CTNNA3: variants seen among roughly 807,000 people sequenced by gnomAD.
The protein encoded by CTNNA3 is catenin alpha 3, also known as catenin alpha-3.
CTNNA3 carries 76 observed loss-of-function variants against 95.7 expected under a neutral mutation model. The ratio of observed to expected loss-of-function variants is 0.79; its 90% CI spans 0.66 to 0.96. The LOEUF (loss-of-function observed/expected upper bound fraction) is 0.96. Ranked by LOEUF, CTNNA3 falls within the 40% of genes least tolerant of loss-of-function variation. CTNNA3 has a pLI of 0.00. For missense variants in CTNNA3, 1,191 were observed against 1,089.8 expected (o/e 1.09, Z -1.31); for synonymous variants, 431 against 374.4 (o/e 1.15, Z -1.74).
At chr10:66,793,915 G>A (rs1841083919) in intron 7 of CTNNA3, among the ~76,000 whole-genome samples, 1 of 151,980 alleles carries the variant, frequency 6.6e-6, no homozygotes, top group South Asian at 2.1e-4. Context: ...ATATCAGCTT[G>A]GTTTTCTCAT....
Position 66,573,634 on chromosome 10 carries a change from G to T in CTNNA3, c.1374+48058C>A, listed in dbSNP as rs12252670. ...GCCTTCCCAGAATCCACAATTTTCAGCAAGATGAATATGAGCAGAAATAAA... is the reference window on the plus strand; with the variant it reads ...GCCTTCCCAGAATCCACAATTTTCATCAAGATGAATATGAGCAGAAATAAA... On this transcript the variant is annotated intron_variant, in intron 10 of 17. Transcript: ENST00000433211. Among the ~76,000 whole-genome samples the T allele has an allele frequency of 2.2e-3, 330 of 152,114 alleles. 1 individual carries two copies. Among genetic ancestry groups the T allele is most frequent in the African/African-American group, 7.6e-3 (316 of 41,492 alleles).
At chr10:66,798,371 A>T (rs1841295430) in intron 7 of CTNNA3, among the ~76,000 whole-genome samples, 2 of 142,398 alleles carry the variant, frequency 1.4e-5, no homozygotes, top group South Asian at 4.6e-4. Context: ...GGATAGCTTA[A>T]AAAAAGTTAA....
intron 11 of CTNNA3, among the ~76,000 whole-genome samples, chr10:66,478,598 A>G (rs1045370695): frequency 2.0e-5 from 3 of 151,954 alleles, no homozygotes; most frequent in Non-Finnish European, 4.4e-5. Flanking sequence ...AAATTTGGAA[A>G]ATAATCATGC....
At position 67,728,367 on chromosome 10, in the gene CTNNA3, C is replaced by T. The variant is rs149830475; in HGVS notation, c.-2+35067G>A. 9.6e-3 allele frequency among the ~76,000 whole-genome samples: 1,430 copies of T among 148,934 alleles called. 28 individuals are homozygous for T. Among genetic ancestry groups the T allele is most frequent in the African/African-American group, 0.033 (1,353 of 40,936 alleles). On this transcript the variant is annotated intron_variant, in intron 1 of 17. Coordinates refer to the CTNNA3 transcript ENST00000684154. ...ACTTGTGAGGCTGCGGCAGGAGAAT[C>T]GCTTGAACCTGGGAGGTGGAGGTTA... is the stretch of plus-strand genomic sequence containing the variant.
chr10:66,214,080 C>T (rs142063567), intron 13 of CTNNA3, among the ~76,000 whole-genome samples: 3 of 152,176 alleles, frequency 2.0e-5, no homozygotes, highest in South Asian at 2.1e-4. Flanking sequence ...TGAGCAAAAA[C>T]GATAAGAAAA....
chr10:67,503,438 C>T (rs1206923685), intron 5 of CTNNA3, among the ~76,000 whole-genome samples: 2 of 152,164 alleles, frequency 1.3e-5, no homozygotes, highest in African/African-American at 4.8e-5. Context: ...ATATGTCTAT[C>T]TTAACTATTT....
intron 4 of CTNNA3, among the ~76,000 whole-genome samples, chr10:67,538,376 C>T (rs1179030119): frequency 1.3e-5 from 2 of 151,676 alleles, no homozygotes; most frequent in African/African-American, 2.4e-5. Flanking sequence ...GAGTTCAAGA[C>T]CAGCCTGGCC....
chr10:67,094,155 G>T (rs1327303236), intron 7 of CTNNA3, among the ~76,000 whole-genome samples: 1 of 151,890 alleles, frequency 6.6e-6, no homozygotes, highest in Non-Finnish European at 1.5e-5. Flanking sequence ...GACTTGCTCT[G>T]ACAAAGAATA....
intron 11 of CTNNA3, among the ~76,000 whole-genome samples, chr10:66,451,329 A>C (rs2093463472): frequency 6.6e-6 from 1 of 152,192 alleles, no homozygotes; most frequent in African/African-American, 2.4e-5. Context: ...CAACACAATA[A>C]GGTAAATGTT....
chr10:66,026,624 C>T (rs1265089773), intron 15 of CTNNA3, among the ~76,000 whole-genome samples: 1 of 152,112 alleles, frequency 6.6e-6, no homozygotes, highest in Non-Finnish European at 1.5e-5. Context: ...TCCTCTGTCT[C>T]TTTCACCTAC....
At chr10:67,366,585 G>C (rs1224020481) in intron 5 of CTNNA3, among the ~76,000 whole-genome samples, 1 of 151,842 alleles carries the variant, frequency 6.6e-6, no homozygotes, top group Non-Finnish European at 1.5e-5. Flanking sequence ...AGGTTGCAGT[G>C]AGCAGGAATC....
At chr10:66,967,453 T>C (rs1038431192) in intron 7 of CTNNA3, among the ~76,000 whole-genome samples, 3 of 151,836 alleles carry the variant, frequency 2.0e-5, no homozygotes, top group African/African-American at 7.3e-5. Context: ...GAATTACAAT[T>C]AATTAATCAA....
intron 7 of CTNNA3, among the ~76,000 whole-genome samples, chr10:67,044,195 T>C (rs1239366540): frequency 6.6e-6 from 1 of 152,060 alleles, no homozygotes; most frequent in Non-Finnish European, 1.5e-5. Flanking sequence ...ACATGTAATA[T>C]TAAAGAAAAA....
At chr10:67,467,667 A>ATG (rs1262083899) in intron 5 of CTNNA3, among the ~76,000 whole-genome samples, 1 of 151,976 alleles carries the variant, frequency 6.6e-6, no homozygotes, top group Non-Finnish European at 1.5e-5. Context: ...ACTCATGACT[A>ATG]TGTGACTAGT....
intron 7 of CTNNA3, among the ~76,000 whole-genome samples, chr10:66,858,477 AC>A (rs1227376331): frequency 6.6e-6 from 1 of 151,986 alleles, no homozygotes; most frequent in Admixed American, 6.6e-5. Flanking sequence ...TAGGAATAGT[AC>A]CCGCTTTTTT....
At chr10:66,820,317 TG>T (rs1432022575) in intron 7 of CTNNA3, among the ~76,000 whole-genome samples, 1 of 151,902 alleles carries the variant, frequency 6.6e-6, no homozygotes, top group Non-Finnish European at 1.5e-5. Context: ...TAGTGGCTGC[TG>T]GGGGTGAGGG....
rs2082506089 is a variant in CTNNA3, at chr10:66,119,965, T to C, written c.1885-16716A>G. ...TGTTCTATATTTTACCTCTTTCTCA[T>C]TGTAAACTTTGTATGGTCAATGGAG... On this transcript the variant is annotated intron_variant, in intron 13 of 17. Transcript: ENST00000433211. Among the ~76,000 whole-genome samples the C allele has an allele frequency of 2.0e-5, 3 of 152,200 alleles. No individual in the cohort carries two copies. In the South Asian group the frequency reaches 6.2e-4, roughly 31 times the overall value.
intron 10 of CTNNA3, among the ~76,000 whole-genome samples, chr10:66,608,172 A>G (rs1224620225): frequency 6.6e-6 from 1 of 152,182 alleles, no homozygotes. Flanking sequence ...TCAAGAGCCA[A>G]ATCAGAAATG....
intron 13 of CTNNA3, among the ~76,000 whole-genome samples, chr10:66,186,619 A>C (rs1265236371): frequency 6.6e-6 from 1 of 152,206 alleles, no homozygotes; most frequent in African/African-American, 2.4e-5. Context: ...ATTTAAAGAA[A>C]TAAAATTATC....
Sources: allele counts gnomAD v4.1 joint callset (sites outside exome capture counted in the v4.1 genomes callset), GRCh38; gene constraint gnomAD v4.1.1; transcripts MANE v1.5; gene names NCBI Gene and HGNC (gene_info 2026-07-23, HGNC 2026-07-21).